DDX43: variants seen among roughly 807,000 people sequenced by gnomAD.
DDX43 encodes probable ATP-dependent RNA helicase DDX43.
Under a neutral mutation model 84.9 loss-of-function variants are expected in DDX43, and 50 were observed. The ratio of observed to expected loss-of-function variants is 0.59; its 90% CI spans 0.47 to 0.75. The LOEUF (loss-of-function observed/expected upper bound fraction) is 0.75. Among genes scored for constraint, DDX43 ranks in the 30% least tolerant of loss-of-function variants. The probability of loss-of-function intolerance (pLI) is 0.00; values close to 1 mark genes in which losing one functional copy is unlikely to be tolerated. For missense variants in DDX43, 689 were observed against 798.6 expected (o/e 0.86, Z 1.65); for synonymous variants, 291 against 266.3 (o/e 1.09, Z -0.90).
intron 11 of DDX43, among the ~76,000 whole-genome samples, chr6:73,412,649 G>A (rs1769811523): frequency 1.3e-5 from 1 of 78,470 alleles, no homozygotes; most frequent in Admixed American, 1.7e-4. Context: ...GTGTGTGTGT[G>A]TGTGTGTGTG....
intron 1 of DDX43, 75 bp from the exon 2 acceptor site, chr6:73,397,614 G>C: frequency 8.3e-7 from 1 of 1,199,552 alleles, no homozygotes; most frequent in Admixed American, 1.8e-5. Context: ...GAGAATGTTT[G>C]TTGAGGAAAA....
At chr6:73,407,426 A>G in intron 7 of DDX43, 79 bp from the exon 8 acceptor site, 1 of 1,030,558 alleles carries the variant, frequency 9.7e-7, no homozygotes, top group African/African-American at 1.6e-5. Flanking sequence ...GCTTGTTGCT[A>G]CAAATCTTGA....
At position 73,409,295 on chromosome 6, in the gene DDX43, G is replaced by A. The variant is rs1166351007; in HGVS notation, c.1227G>A (p.Gln409=). ...TGTTGGACATGGGATTTGAACCCCA[G>A]ATAATGAAGATTTTGTTAGATGTGC... is the stretch of plus-strand genomic sequence containing the variant. ...DKMLDMGFEP[Q]IMKILLDVRP... The change falls in exon 10 of 17, where the codon CAG becomes CAA. Residue 409 remains glutamine (Q), a synonymous_variant. Transcript: ENST00000370336. 20 of 1,614,026 alleles carry A rather than the reference G, an allele frequency of 1.2e-5. No homozygotes were observed. The highest frequency in any genetic ancestry group is 1.7e-5 in the Non-Finnish European group (20 of 1,180,024).
At chr6:73,397,177 A>T (rs1769488702) in intron 1 of DDX43, among the ~76,000 whole-genome samples, 1 of 152,216 alleles carries the variant, frequency 6.6e-6, no homozygotes, top group Non-Finnish European at 1.5e-5. Flanking sequence ...CACCAACAGT[A>T]CACAGGGGTT....
chr6:73,405,506 A>G (rs572676755), intron 5 of DDX43, among the ~76,000 whole-genome samples, 173 bp from the exon 6 acceptor site: 1 of 152,318 alleles, frequency 6.6e-6, no homozygotes, highest in East Asian at 1.9e-4. Context: ...CTCAGATAAG[A>G]GACAGATGGA....
intron 1 of DDX43, among the ~76,000 whole-genome samples, chr6:73,396,782 ATTACT>A (rs1317843964): frequency 6.6e-6 from 1 of 152,144 alleles, no homozygotes; most frequent in Non-Finnish European, 1.5e-5. Context: ...TCTGAGTTAG[ATTACT>A]TTAGGTAATC....
rs760341746 is a variant in DDX43, at chr6:73,412,154, A to G, written c.1281-51A>G. 5 of 1,494,602 alleles carry G rather than the reference A, an allele frequency of 3.3e-6. No individual in the cohort carries two copies. The Admixed American group carries it at 9.5e-5, about 28-fold the overall frequency. The allele number at this position is 1,494,602 out of a possible 1,614,324, so 92.6% of individuals were successfully genotyped here. On this transcript the variant is annotated intron_variant, in intron 10 of 16. Coordinates refer to ENST00000370336, the MANE Select transcript of DDX43 (RefSeq NM_018665.3). ...TGGTTCATAGCATGCTTAAGGAAAC[A>G]TAGTAATGTTTTTACAACAAAATTG...
chr6:73,410,071 ACTTTGT>A (rs2150798189), intron 10 of DDX43, among the ~76,000 whole-genome samples: 1 of 152,056 alleles, frequency 6.6e-6, no homozygotes, highest in African/African-American at 2.4e-5. Context: ...GGGCTTATAT[ACTTTGT>A]CTTTATTAGT....
chr6:73,394,941 G>C lies in DDX43; in HGVS notation c.36G>C (p.Thr12=), dbSNP rs373466847. The change falls in exon 1 of 17, where the codon ACG becomes ACC. Residue 12 remains threonine (T), a synonymous_variant. Transcript: ENST00000370336. ...ACGGAGGAGCTCCCAAGGCCTCTACGTGGGTCGTTGCTAGTCGGCGAAGCT... is the reference window on the plus strand; with the variant it reads ...ACGGAGGAGCTCCCAAGGCCTCTACCTGGGTCGTTGCTAGTCGGCGAAGCT... ...SHHGGAPKAS[T]WVVASRRSST... The C allele has an allele frequency of 9.9e-6, 16 of 1,614,120 alleles. No individual in the cohort carries two copies. Among genetic ancestry groups the C allele is most frequent in the Admixed American group, 3.3e-5 (2 of 60,008 alleles).
At chr6:73,412,103 A>C (rs1007046724) in intron 10 of DDX43, 102 bp from the exon 11 acceptor site, 1 of 912,060 alleles carries the variant, frequency 1.1e-6, no homozygotes, top group African/African-American at 1.7e-5. Flanking sequence ...AAAAATAAGT[A>C]CTAAATTTGT....
intron 16 of DDX43, 42 bp downstream of exon 16, chr6:73,416,293 C>G (rs1264522985): frequency 2.6e-6 from 2 of 773,338 alleles, no homozygotes; most frequent in Non-Finnish European, 4.5e-6. Context: ...TGCCTGCTTA[C>G]TTAAACTAGG....
intron 9 of DDX43, 130 bp downstream of exon 9, chr6:73,408,231 T>C (rs1439519318): frequency 1.2e-6 from 1 of 833,630 alleles, no homozygotes; most frequent in East Asian, 2.6e-5. Context: ...GGTCAGGAGT[T>C]CGAGACCAAC....
chr6:73,406,318 A>C (rs1183630652), intron 6 of DDX43, 46 bp from the exon 7 acceptor site: 1 of 1,442,788 alleles, frequency 6.9e-7, no homozygotes, highest in Non-Finnish European at 9.7e-7. Context: ...CACTGCGCCC[A>C]GCAAAAGATG....
intron 9 of DDX43, 107 bp from the exon 10 acceptor site, chr6:73,409,141 G>C (rs1769737021): frequency 1.2e-6 from 1 of 817,866 alleles, no homozygotes; most frequent in African/African-American, 1.7e-5. Context: ...TTAAGTAATA[G>C]GGGAAATGAG....
At chr6:73,401,712 G>GA in intron 3 of DDX43, 147 bp from the exon 4 acceptor site, 1 of 670,352 alleles carries the variant, frequency 1.5e-6, no homozygotes, top group Non-Finnish European at 2.3e-6. Flanking sequence ...TGAGGCAAGA[G>GA]AATGGCGGGA....
chr6:73,412,638 AGTGT>A (rs66577187), intron 11 of DDX43, among the ~76,000 whole-genome samples: 1,283 of 59,524 alleles, frequency 0.022, 39 homozygotes, highest in African/African-American at 0.061. Flanking sequence ...ATATATATAT[AGTGT>A]GTGTGTGTGT....
In DDX43 at chr6:73,408,018, G is replaced by A; in HGVS notation, c.1096G>A (p.Val366Ile). Residue 366 changes from valine to isoleucine, a missense_variant, in exon 9 of 17, where the codon GTA becomes ATA. Around this residue, in one of 2 missense-constraint regions of DDX43, gnomAD observed 552 missense variants for 692.7 expected, o/e 0.80. Transcript: ENST00000370336. ...DEQIEELKKG[V>I]DIIIATPGRL... ...ACAAATAGAAGAGCTTAAAAAAGGT[G>A]TAGATATCATAATTGCAACTCCCGG... 1 of 1,613,830 alleles carries A rather than the reference G, an allele frequency of 6.2e-7. No individual in the cohort carries two copies. Among genetic ancestry groups the A allele is most frequent in the African/African-American group, 1.3e-5 (1 of 75,032 alleles).
chr6:73,414,444 G>GT, intron 13 of DDX43, 104 bp from the exon 14 acceptor site: 1 of 1,020,074 alleles, frequency 9.8e-7, no homozygotes, highest in South Asian at 1.7e-5. Context: ...AATGTAAACA[G>GT]TAAGAAATAA....
intron 11 of DDX43, 21 bp from the exon 12 acceptor site, chr6:73,413,637 T>C: frequency 1.2e-6 from 2 of 1,609,844 alleles, no homozygotes; most frequent in Non-Finnish European, 1.7e-6. Flanking sequence ...CTTGATGAAC[T>C]ATGTTCTTTG....
Sources: gnomAD v4.1 joint callset for allele counts (sites outside exome capture counted in the v4.1 genomes callset) on GRCh38, gnomAD v4.1.1 for gene constraint, gnomAD v4.1.1 regional missense constraint, MANE v1.5 for transcripts, NCBI Gene and HGNC (gene_info 2026-07-23, HGNC 2026-07-21) for gene names.